EML5: variants seen among roughly 807,000 people sequenced by gnomAD.
EML5 encodes the protein echinoderm microtubule-associated protein-like 5.
A neutral mutation model predicts 250.0 loss-of-function variants in EML5; 120 were observed. That is an observed-to-expected ratio of 0.48 (90% CI 0.41 to 0.56). The LOEUF (loss-of-function observed/expected upper bound fraction) is 0.56, where lower values mean the gene tolerates loss of function less well. Among genes scored for constraint, EML5 ranks in the 20% least tolerant of loss-of-function variants. The pLI, the probability that EML5 is intolerant of heterozygous loss-of-function variation, is 0.00. For missense variants in EML5, 2,006 were observed against 2,437.6 expected, an observed-to-expected ratio of 0.82 and a Z score of 3.73; for synonymous variants, 771 against 806.5, an observed-to-expected ratio of 0.96 and a Z score of 0.75.
intron 10 of EML5, among the ~76,000 whole-genome samples, chr14:88,709,022 TATA>T (rs1477353312): frequency 6.6e-6 from 1 of 152,120 alleles, no homozygotes; most frequent in African/African-American, 2.4e-5. Context: ...CCATTTCTTT[TATA>T]ATGTGTTTTA....
rs2090012193 is a variant in EML5 at position 88,626,921 on chromosome 14, T to C, written c.4657A>G (p.Arg1553Gly). Residue 1553 changes from arginine (R) to glycine (G), a missense_variant, in exon 35 of 44, where the codon AGA (arginine) becomes GGA (glycine). Arg to Gly is a moderately radical substitution (Grantham distance 125, BLOSUM62 -2). Coordinates refer to ENST00000554922, the MANE Select transcript of EML5 (RefSeq NM_183387.3). Reference protein sequence around the residue: ...KHVKFWTLAGRALLSKKGLLS... With the variant: ...KHVKFWTLAGGALLSKKGLLS... ...AGCCCTTTTTTGCTAAGAAGAGCTCTTCCTGCCAGGGTCCAGAACTTCACA... is the reference window on the plus strand; with the variant it reads ...AGCCCTTTTTTGCTAAGAAGAGCTCCTCCTGCCAGGGTCCAGAACTTCACA... The C allele has an allele frequency of 6.2e-7, 1 of 1,613,912 alleles. No individual in the cohort carries two copies. The highest frequency in any genetic ancestry group is 1.3e-5 in the African/African-American group (1 of 74,942).
intron 1 of EML5, among the ~76,000 whole-genome samples, chr14:88,790,469 C>T (rs1441925846): frequency 6.6e-6 from 1 of 152,202 alleles, no homozygotes; most frequent in African/African-American, 2.4e-5. Flanking sequence ...TGACATATAA[C>T]ACAGCTTCTA....
At chr14:88,706,007 G>A in intron 11 of EML5, 2 of 530,802 alleles carry the variant, frequency 3.8e-6, no homozygotes, top group East Asian at 3.4e-5. Flanking sequence ...TGTTTGTTTT[G>A]CTATTAATAT....
intron 3 of EML5, among the ~76,000 whole-genome samples, chr14:88,745,768 A>T (rs559264117): frequency 6.6e-5 from 10 of 152,284 alleles, no homozygotes; most frequent in South Asian, 2.1e-4. Context: ...AAACTGTTTT[A>T]AAAAATGTAA....
intron 27 of EML5, among the ~76,000 whole-genome samples, chr14:88,651,278 T>C (rs1273485389): frequency 4.0e-5 from 6 of 151,736 alleles, no homozygotes; most frequent in African/African-American, 9.7e-5. Flanking sequence ...AGGGTTGAAA[T>C]TGTAAAGTAA....
chr14:88,769,668 A>C (rs2094366859), intron 1 of EML5, among the ~76,000 whole-genome samples: 1 of 152,224 alleles, frequency 6.6e-6, no homozygotes, highest in Admixed American at 6.5e-5. Context: ...GATTGTCTCA[A>C]CTAGGAAATA....
intron 1 of EML5, among the ~76,000 whole-genome samples, chr14:88,759,456 G>A (rs1339281334): frequency 6.6e-6 from 1 of 151,942 alleles, no homozygotes; most frequent in Non-Finnish European, 1.5e-5. Context: ...GGCTGAGGCA[G>A]GAGGATCACT....
At chr14:88,755,870 A>G (rs1318347954) in intron 1 of EML5, among the ~76,000 whole-genome samples, 1 of 152,078 alleles carries the variant, frequency 6.6e-6, no homozygotes, top group African/African-American at 2.4e-5. Context: ...ATAGCAGCAT[A>G]CACCTCTATT....
In EML5 at chr14:88,702,494, A is replaced by G. The variant is rs1479288163; in HGVS notation, c.2190T>C (p.Ile730=). ...QRFYLGHDDD[I]LCLTIHPLKD... The stretch of plus-strand genomic sequence containing the variant: ...TCAAAGGATGAATAGTTAGGCAGAG[A>G]ATATCATCATCATGACCCAGATAAA... The change falls in exon 14 of 44, where the codon ATT becomes ATC. Residue 730 remains isoleucine, a synonymous_variant. Transcript: ENST00000554922. 1 of 1,613,364 alleles carries G rather than the reference A, an allele frequency of 6.2e-7. No homozygotes were observed. Among genetic ancestry groups the G allele is most frequent in the African/African-American group, 1.3e-5 (1 of 74,904 alleles).
chr14:88,664,764 TAAC>T, intron 22 of EML5, 140 bp from the exon 23 acceptor site: 1 of 802,522 alleles, frequency 1.2e-6, no homozygotes, highest in Non-Finnish European at 1.9e-6. Context: ...ATGTGTTAAA[TAAC>T]AAATGATAAC....
chr14:88,728,771 A>G (rs1013788338), intron 7 of EML5, among the ~76,000 whole-genome samples: 1 of 152,134 alleles, frequency 6.6e-6, no homozygotes, highest in East Asian at 1.9e-4. Context: ...ATCATTTTAT[A>G]TAATGAACTT....
At position 88,646,995 on chromosome 14, in the gene EML5, T is replaced by A. The variant is rs1336696773; in HGVS notation, c.4020-40A>T. The A allele has an allele frequency of 3.2e-6, 5 of 1,578,032 alleles. No individual in the cohort carries two copies. In the South Asian group the frequency reaches 5.7e-5, roughly 18 times the overall value. ...ATAAAGAGGGAAAAAGATTACAACA[T>A]AAATTTGAATTGAAAACACTAGTGA... is the stretch of plus-strand genomic sequence containing the variant. On this transcript the variant is annotated intron_variant, in intron 28 of 43. Transcript: ENST00000554922.
intron 9 of EML5, among the ~76,000 whole-genome samples, chr14:88,713,282 C>T (rs767848767): frequency 2.6e-5 from 4 of 151,884 alleles, no homozygotes; most frequent in Admixed American, 6.6e-5. Context: ...ATCTCAGCTA[C>T]TCGGGAGGCT....
intron 1 of EML5, among the ~76,000 whole-genome samples, chr14:88,762,276 C>T (rs375898362): frequency 2.6e-5 from 4 of 152,006 alleles, no homozygotes; most frequent in Non-Finnish European, 4.4e-5. Context: ...TTTGGGAGGC[C>T]GAGGCAGGTG....
chr14:88,759,960 A>G (rs1341721311), intron 1 of EML5, among the ~76,000 whole-genome samples: 1 of 152,010 alleles, frequency 6.6e-6, no homozygotes, highest in Non-Finnish European at 1.5e-5. Context: ...CCTGATGACT[A>G]CTCACATGGA....
chr14:88,743,194 C>A (rs1052969081), intron 4 of EML5, among the ~76,000 whole-genome samples: 5 of 151,962 alleles, frequency 3.3e-5, no homozygotes, highest in Non-Finnish European at 1.5e-5. Flanking sequence ...GGAATAAGTT[C>A]TACTACTCTA....
intron 33 of EML5, among the ~76,000 whole-genome samples, chr14:88,629,429 G>A (rs149365587): frequency 6.6e-6 from 1 of 152,152 alleles, no homozygotes; most frequent in Non-Finnish European, 1.5e-5. Flanking sequence ...TAATGGAATT[G>A]TCACACACTT....
At chr14:88,661,927 CAAGT>C (rs1229756804) in intron 24 of EML5, 97 bp from the exon 25 acceptor site, 1 of 1,093,474 alleles carries the variant, frequency 9.1e-7, no homozygotes, top group East Asian at 2.6e-5. Context: ...ATGTGTGTCA[CAAGT>C]AAAATGAAAG....
chr14:88,734,002 T>C (rs1372335243), intron 7 of EML5, among the ~76,000 whole-genome samples: 3 of 151,674 alleles, frequency 2.0e-5, no homozygotes, highest in African/African-American at 7.3e-5. Flanking sequence ...TAAAACAACC[T>C]ACACGAAGTA....
Sources: allele counts gnomAD v4.1 joint callset (sites outside exome capture counted in the v4.1 genomes callset), GRCh38; gene constraint gnomAD v4.1.1; transcripts MANE v1.5; gene names NCBI Gene and HGNC (gene_info 2026-07-23, HGNC 2026-07-21).